The following SGCD variants were observed in gnomAD, a reference collection of about 807,000 sequenced individuals.
SGCD encodes the protein delta-sarcoglycan.
In SGCD, 18 loss-of-function variants were observed where a neutral mutation model predicts 36.6. That is an observed-to-expected ratio of 0.49 (90% confidence interval 0.34 to 0.73). The LOEUF (loss-of-function observed/expected upper bound fraction) is 0.73, where lower values mean the gene tolerates loss of function less well. Among genes scored for constraint, SGCD ranks in the 30% least tolerant of loss-of-function variants. The pLI is 0.01. For synonymous variants in SGCD, 133 were observed against 130.6 expected (o/e 1.02, Z -0.12); for missense variants, 387 against 346.7 (o/e 1.12, Z -0.92).
intron 3 of SGCD, among the ~76,000 whole-genome samples, chr5:156,194,259 GCCC>G (rs1232754273): frequency 6.6e-6 from 1 of 152,104 alleles, no homozygotes; most frequent in Admixed American, 6.6e-5. Context: ...TACACTTGTA[GCCC>G]CAGGTAAGTG....
chr5:156,589,150 C>A, intron 4 of SGCD, 81 bp from the exon 5 acceptor site: 6 of 1,029,008 alleles, frequency 5.8e-6, no homozygotes, highest in Admixed American at 2.2e-5. Context: ...GCCATTTCAG[C>A]CCCTTGGAGA....
chr5:155,774,547 G>A, the SGCD span, among the ~76,000 whole-genome samples: 1 of 152,142 alleles, frequency 6.6e-6, no homozygotes. Context: ...TGGACACTCT[G>A]AAGGGAAAAT....
intron 3 of SGCD, among the ~76,000 whole-genome samples, chr5:156,273,931 A>G (rs1341044709): frequency 6.6e-6 from 1 of 152,154 alleles, no homozygotes; most frequent in Non-Finnish European, 1.5e-5. Flanking sequence ...CAGGGATTGG[A>G]CATAATTCCA....
intron 1 of SGCD, among the ~76,000 whole-genome samples, chr5:156,015,862 A>G (rs1758964170): frequency 6.7e-6 from 1 of 150,232 alleles, no homozygotes; most frequent in South Asian, 2.1e-4. Context: ...AATTATATAT[A>G]TAATATATGT....
chr5:155,790,973 G>C, the SGCD span, among the ~76,000 whole-genome samples: 1 of 152,076 alleles, frequency 6.6e-6, no homozygotes, highest in African/African-American at 2.4e-5. Context: ...AATAGAATAA[G>C]GGTTCTGAAT....
the SGCD span, among the ~76,000 whole-genome samples, chr5:155,756,341 A>T: frequency 6.9e-4 from 105 of 152,338 alleles, 1 homozygote; most frequent in African/African-American, 2.3e-3. Context: ...CTAGAGGTCG[A>T]GAAAGTTTAA....
intron 6 of SGCD, among the ~76,000 whole-genome samples, chr5:156,608,175 G>T (rs1273145797): frequency 6.6e-6 from 1 of 152,078 alleles, no homozygotes; most frequent in Non-Finnish European, 1.5e-5. Context: ...TCTCTTGTGG[G>T]CATGTAGTGC....
intron 4 of SGCD, among the ~76,000 whole-genome samples, chr5:156,523,956 T>C (rs1267940873): frequency 2.7e-5 from 4 of 150,938 alleles, no homozygotes; most frequent in African/African-American, 9.7e-5. Flanking sequence ...CACCATATAT[T>C]AGGTCCTTGA....
intron 7 of SGCD, among the ~76,000 whole-genome samples, chr5:156,697,288 A>G (rs1484496480): frequency 6.6e-6 from 1 of 152,250 alleles, no homozygotes; most frequent in East Asian, 1.9e-4. Context: ...AGTATTTAGC[A>G]TTTGGTTGTT....
chr5:156,621,519 TA>T (rs11343685), intron 6 of SGCD, among the ~76,000 whole-genome samples: 40,149 of 150,420 alleles, frequency 0.27, 5,384 homozygotes, highest in East Asian at 0.31. Flanking sequence ...GCATTTACGT[TA>T]AAAAAAAAAT....
At chr5:156,153,062 C>T (rs1762867625) in intron 3 of SGCD, among the ~76,000 whole-genome samples, 1 of 151,550 alleles carries the variant, frequency 6.6e-6, no homozygotes, top group Non-Finnish European at 1.5e-5. Context: ...GTATTTATGT[C>T]AGCTAATTTC....
chr5:156,075,197 A>T lies in SGCD; in HGVS notation c.-281-42681A>T, dbSNP rs552637640. ...CTTCCATGTAGTCAAATTTACAAAA[A>T]AAAAATGCAGAAAGTGAATTAGAAC... On this transcript the variant is annotated intron_variant, in intron 1 of 9. Coordinates refer to the SGCD transcript ENST00000517913. Among the ~76,000 whole-genome samples the T allele has an allele frequency of 5.9e-5, 9 of 152,328 alleles. No homozygotes were observed. The East Asian group carries it at 1.5e-3, about 26-fold the overall frequency.
chr5:156,458,607 A>G (rs1754354071), intron 3 of SGCD: 1 of 684,016 alleles, frequency 1.5e-6, no homozygotes, highest in Admixed American at 2.7e-5. Flanking sequence ...TCAGATTTTT[A>G]TTTGTAAAAA....
At chr5:156,072,008 T>G (rs1291990259) in intron 1 of SGCD, among the ~76,000 whole-genome samples, 1 of 152,224 alleles carries the variant, frequency 6.6e-6, no homozygotes, top group African/African-American at 2.4e-5. Flanking sequence ...TCCTTTTATT[T>G]TGTGCCTATG....
chr5:156,021,931 C>T (rs1395046082), intron 1 of SGCD, among the ~76,000 whole-genome samples: 3 of 152,090 alleles, frequency 2.0e-5, no homozygotes, highest in Non-Finnish European at 2.9e-5. Context: ...TATAATTCAT[C>T]GGTTTTTAGT....
chr5:156,168,560 A>T (rs1002743427), intron 3 of SGCD, among the ~76,000 whole-genome samples: 2 of 152,226 alleles, frequency 1.3e-5, no homozygotes, highest in Non-Finnish European at 2.9e-5. Context: ...AAGTAATGCC[A>T]TGTCCCAGAA....
chr5:156,251,113 T>C (rs1032650587), intron 3 of SGCD, among the ~76,000 whole-genome samples: 2 of 152,212 alleles, frequency 1.3e-5, no homozygotes, highest in Admixed American at 1.3e-4. Flanking sequence ...AGCAAACTAT[T>C]AAAGGATCTG....
intron 3 of SGCD, among the ~76,000 whole-genome samples, chr5:156,271,983 A>G (rs889857863): frequency 2.0e-5 from 3 of 152,216 alleles, no homozygotes; most frequent in African/African-American, 7.2e-5. Context: ...GCAGACGAAA[A>G]TGTCACTTGT....
intron 1 of SGCD, among the ~76,000 whole-genome samples, chr5:156,031,182 T>C (rs949961636): frequency 1.3e-5 from 2 of 152,222 alleles, no homozygotes; most frequent in African/African-American, 4.8e-5. Context: ...CACAGATTCC[T>C]GTGCTCCATC....
Sources: gnomAD v4.1 joint callset for allele counts (sites outside exome capture counted in the v4.1 genomes callset) on GRCh38, gnomAD v4.1.1 for gene constraint, MANE v1.5 for transcripts, NCBI Gene and HGNC (gene_info 2026-07-23, HGNC 2026-07-21) for gene names.